The following PLEKHA3 variants were observed in gnomAD, a reference collection of about 807,000 sequenced individuals.
PLEKHA3 encodes pleckstrin homology domain containing A3.
In PLEKHA3, 19 loss-of-function variants were observed where a neutral mutation model predicts 39.2. The observed-to-expected ratio is 0.48, with a 90% CI of 0.34 to 0.71. The LOEUF is 0.71. PLEKHA3 is among the 30% of genes least tolerant of loss of function. The pLI is 0.01. For synonymous variants in PLEKHA3, 97 were observed against 118.6 expected (o/e 0.82, Z 1.18); for missense variants, 253 against 359.5 (o/e 0.70, Z 2.40).
At chr2:178,488,030 T>C (rs1271534308) in intron 2 of PLEKHA3, among the ~76,000 whole-genome samples, 2 of 152,198 alleles carry the variant, frequency 1.3e-5, no homozygotes, top group East Asian at 3.9e-4. Context: ...TCCCAGCAGT[T>C]TGGGAGGCCA....
Position 178,512,024 on chromosome 2 carries a change from A to G in PLEKHA3, c.*8137A>G, listed in dbSNP as rs1222760397. 1.3e-5 allele frequency: 2 copies of G among 152,268 alleles called. No homozygotes were observed. Among genetic ancestry groups the G allele is most frequent in the Non-Finnish European group, 2.9e-5 (2 of 68,050 alleles). 9.4% of individuals were successfully genotyped at this position (152,268 alleles called of 1,614,324 possible). A position where few individuals can be genotyped will look rare whatever the true frequency, so the allele number is the denominator to read the frequency against. ...CTTTACCTCATGTTAGCCTTATAACAGAGATGCGGAAGTACAGGACTACCA... is the reference window on the plus strand; with the variant it reads ...CTTTACCTCATGTTAGCCTTATAACGGAGATGCGGAAGTACAGGACTACCA... On this transcript the variant is annotated 3_prime_UTR_variant, in exon 8 of 8. Coordinates refer to ENST00000234453, the MANE Select transcript of PLEKHA3 (RefSeq NM_019091.4).
chr2:178,487,161 G>A, intron 2 of PLEKHA3, among the ~76,000 whole-genome samples: 1 of 152,150 alleles, frequency 6.6e-6, no homozygotes, highest in East Asian at 1.9e-4. Context: ...TGGCTAAACT[G>A]ACCTAACAGG....
chr2:178,484,667 G>A (rs1255765541), intron 1 of PLEKHA3, among the ~76,000 whole-genome samples: 1 of 152,192 alleles, frequency 6.6e-6, no homozygotes, highest in Non-Finnish European at 1.5e-5. Context: ...GTGCTGAATT[G>A]TTATTTAATA....
chr2:178,510,187 A>G lies in PLEKHA3; in HGVS notation c.*6300A>G, dbSNP rs1454367090. The G allele has an allele frequency of 6.6e-6, 1 of 152,462 alleles. No individual in the cohort carries two copies. The highest frequency in any genetic ancestry group is 2.4e-5 in the African/African-American group (1 of 41,428). The allele number at this position is 152,462 out of a possible 1,614,324, so 9.4% of individuals were successfully genotyped here. A position where few individuals can be genotyped will look rare whatever the true frequency, so the allele number is the denominator to read the frequency against. ...ACCGTGCCCAGCCGACCCTGCATTT[A>G]ACTAGACTTCATATGAAATGTTCAG... is the stretch of plus-strand genomic sequence containing the variant. On this transcript the variant is annotated 3_prime_UTR_variant, in exon 8 of 8. Coordinates refer to ENST00000234453, the MANE Select transcript of PLEKHA3 (RefSeq NM_019091.4).
intron 5 of PLEKHA3, among the ~76,000 whole-genome samples, chr2:178,497,236 A>G (rs1171582110): frequency 1.3e-5 from 2 of 151,002 alleles, no homozygotes; most frequent in African/African-American, 4.9e-5. Context: ...ATATGTATAT[A>G]TTTTCTTTTT....
rs1287138352 is a variant in PLEKHA3 at position 178,506,527 on chromosome 2, TGCC to T, written c.*2641_*2643del. On this transcript the variant is annotated 3_prime_UTR_variant, in exon 8 of 8. Transcript: ENST00000234453. Reference sequence around the variant, plus strand: ...GATAGAGTATCTTCATTTCCACAGATGCCCTAGAACCTTTGACCTTGAATTGTA... The same window carrying T: ...GATAGAGTATCTTCATTTCCACAGATCTAGAACCTTTGACCTTGAATTGTA... 2 of 152,240 alleles carry T rather than the reference TGCC, an allele frequency of 1.3e-5. No homozygotes were observed. The highest frequency in any genetic ancestry group is 2.9e-5 in the Non-Finnish European group (2 of 68,032). 9.4% of individuals were successfully genotyped at this position (152,240 alleles called of 1,614,324 possible).
rs1393956235 is a variant in PLEKHA3, at chr2:178,503,752, C to T, written c.776-8C>T. 1.2e-6 allele frequency: 2 copies of T among 1,609,852 alleles called. No homozygotes were observed. Among genetic ancestry groups the T allele is most frequent in the African/African-American group, 1.3e-5 (1 of 74,784 alleles). ...GGATGTTTAACGTTTTTATCAATGT[C>T]TTCATAGGACCTGTTCACTGTTCAA... On this transcript the variant is annotated splice_polypyrimidine_tract_variant and splice_region_variant and intron_variant, in intron 7 of 7. Transcript: ENST00000234453.
In PLEKHA3 at chr2:178,509,999, C is replaced by T. The variant is rs1390712289; in HGVS notation, c.*6112C>T. On this transcript the variant is annotated 3_prime_UTR_variant, in exon 8 of 8. Coordinates refer to ENST00000234453, the MANE Select transcript of PLEKHA3 (RefSeq NM_019091.4). ...AATTCTCTTGTCTCAGCCTCCTAGG[C>T]TACAGGCTAGGACTACAGGTGCTCG... 1.3e-5 allele frequency: 2 copies of T among 152,122 alleles called. No individual in the cohort carries two copies. Among genetic ancestry groups the T allele is most frequent in the Non-Finnish European group, 2.9e-5 (2 of 68,060 alleles). The allele number at this position is 152,122 out of a possible 1,614,324, so 9.4% of individuals were successfully genotyped here.
At chr2:178,487,505 C>A (rs931664263) in intron 2 of PLEKHA3, among the ~76,000 whole-genome samples, 1 of 151,924 alleles carries the variant, frequency 6.6e-6, no homozygotes, top group Middle Eastern at 3.4e-3. Context: ...GTGGTGTGAT[C>A]ATGGCTCACT....
rs1012107744 is a variant in PLEKHA3, at chr2:178,513,040, T to G, written c.*9153T>G. 3.9e-5 allele frequency: 6 copies of G among 153,336 alleles called. No homozygotes were observed. Among genetic ancestry groups the G allele is most frequent in the Non-Finnish European group, 8.8e-5 (6 of 68,090 alleles). 9.5% of individuals were successfully genotyped at this position (153,336 alleles called of 1,614,324 possible). Reference sequence around the variant, plus strand: ...TGGTTAAATAAACAGTGGCACTTTTTTTTTTTTGAGACAGAGTCTCACCCT... The same window carrying G: ...TGGTTAAATAAACAGTGGCACTTTTGTTTTTTTGAGACAGAGTCTCACCCT... On this transcript the variant is annotated 3_prime_UTR_variant, in exon 8 of 8. Transcript: ENST00000234453.
chr2:178,482,261 G>A (rs1575140994), intron 1 of PLEKHA3, among the ~76,000 whole-genome samples: 1 of 152,146 alleles, frequency 6.6e-6, no homozygotes, highest in Non-Finnish European at 1.5e-5. Flanking sequence ...GTTAAAGACA[G>A]TAGAGTGCTT....
chr2:178,490,906 C>A, intron 3 of PLEKHA3, 92 bp downstream of exon 3: 1 of 972,882 alleles, frequency 1.0e-6, no homozygotes, highest in Non-Finnish European at 1.5e-6. Flanking sequence ...TAGTATCTAT[C>A]CCAAGGAAAT....
In PLEKHA3 at chr2:178,510,183, A is replaced by C. The variant is rs1314198860; in HGVS notation, c.*6296A>C. On this transcript the variant is annotated 3_prime_UTR_variant, in exon 8 of 8. Transcript: ENST00000234453. ...AGCCACCGTGCCCAGCCGACCCTGC[A>C]TTTAACTAGACTTCATATGAAATGT... The C allele has an allele frequency of 6.6e-6, 1 of 152,376 alleles. No homozygotes were observed. The highest frequency in any genetic ancestry group is 6.5e-5 in the Admixed American group (1 of 15,274). 9.4% of individuals were successfully genotyped at this position (152,376 alleles called of 1,614,324 possible). A position where few individuals can be genotyped will look rare whatever the true frequency, so the allele number is the denominator to read the frequency against.
At position 178,485,672 on chromosome 2, in the gene PLEKHA3, T is replaced by C. The variant is rs1247609629; in HGVS notation, c.72T>C (p.Asn24=). 4 of 1,613,598 alleles carry C rather than the reference T, an allele frequency of 2.5e-6. No individual in the cohort carries two copies. The highest frequency in any genetic ancestry group is 2.2e-5 in the East Asian group (1 of 44,850). The change falls in exon 2 of 8, where the codon AAT becomes AAC. Residue 24 remains asparagine, a synonymous_variant. Coordinates refer to ENST00000234453, the MANE Select transcript of PLEKHA3 (RefSeq NM_019091.4). ...GWQPRWFVLD[N]GILSYYDSQD... Reference sequence around the variant, plus strand: ...AGCCTCGTTGGTTTGTTTTAGATAATGGAATCTTATCCTACTATGATTCAC... The same window carrying C: ...AGCCTCGTTGGTTTGTTTTAGATAACGGAATCTTATCCTACTATGATTCAC...
chr2:178,490,949 C>A, intron 3 of PLEKHA3, 135 bp downstream of exon 3: 2 of 590,296 alleles, frequency 3.4e-6, no homozygotes, highest in Non-Finnish European at 5.3e-6. Flanking sequence ...ATATCTTTAT[C>A]ATAGTAAACA....
Position 178,480,843 on chromosome 2 carries a change from A to G in PLEKHA3, c.-27A>G. The G allele has an allele frequency of 7.6e-7, 1 of 1,317,822 alleles. No homozygotes were observed. Among genetic ancestry groups the G allele is most frequent in the Non-Finnish European group, 9.8e-7 (1 of 1,025,280 alleles). The allele number at this position is 1,317,822 out of a possible 1,614,324, so 81.6% of individuals were successfully genotyped here. A position where few individuals can be genotyped will look rare whatever the true frequency, so the allele number is the denominator to read the frequency against. ...TCACCGCGGCCGGCGCCGGGCCGGGAGGATGCGCGGTGTGGGGCTCTGAAG... is the reference window on the plus strand; with the variant it reads ...TCACCGCGGCCGGCGCCGGGCCGGGGGGATGCGCGGTGTGGGGCTCTGAAG... On this transcript the variant is annotated 5_prime_UTR_variant, in exon 1 of 8. Transcript: ENST00000234453.
At chr2:178,492,126 CAAAATTTTTT>C in intron 3 of PLEKHA3, among the ~76,000 whole-genome samples, 1 of 151,780 alleles carries the variant, frequency 6.6e-6, no homozygotes, top group East Asian at 1.9e-4. Flanking sequence ...TTCTATTTTT[CAAAATTTTTT>C]ATTAAGTATG....
rs1007696682 is a variant in PLEKHA3, at chr2:178,504,516, A to C, written c.*629A>C. ...TACCAAATTTTGGGTTAAAGTGTTT[A>C]ATTTTTATGTATTTATTTTCTTGTT... On this transcript the variant is annotated 3_prime_UTR_variant, in exon 8 of 8. Transcript: ENST00000234453. The C allele has an allele frequency of 2.2e-4, 34 of 152,366 alleles. 2 individuals carry two copies. The highest frequency in any genetic ancestry group is 1.6e-3 in the Admixed American group (25 of 15,224). The allele number at this position is 152,366 out of a possible 1,614,324, so 9.4% of individuals were successfully genotyped here.
rs1204723389 is a variant in PLEKHA3 at position 178,491,010 on chromosome 2, C to CTT, written c.313+213_313+214dup. Among the ~76,000 whole-genome samples the CTT allele has an allele frequency of 2.7e-3, 349 of 129,506 alleles. 6 individuals are homozygous for CTT. The highest frequency in any genetic ancestry group is 8.7e-3 in the East Asian group (38 of 4,390). The allele number at this position is 129,506 out of a possible 152,430, so 85.0% of individuals were successfully genotyped here. On this transcript the variant is annotated intron_variant, in intron 3 of 7. Coordinates refer to ENST00000234453, the MANE Select transcript of PLEKHA3 (RefSeq NM_019091.4). ...GAATGGCTCAATAAACTCTTTCTTTCTTTTTTTTTTTTTTTTTTGAGATGG... is the reference window on the plus strand; with the variant it reads ...GAATGGCTCAATAAACTCTTTCTTTCTTTTTTTTTTTTTTTTTTTTGAGATGG...
Sources: allele counts gnomAD v4.1 joint callset (sites outside exome capture counted in the v4.1 genomes callset), GRCh38; gene constraint gnomAD v4.1.1; transcripts MANE v1.5; gene names NCBI Gene and HGNC (gene_info 2026-07-23, HGNC 2026-07-21).